Variants in DENND5B observed in about 807,000 individuals in gnomAD.
The protein encoded by DENND5B is DENN domain-containing protein 5B.
In DENND5B, 34 loss-of-function variants were observed where a neutral mutation model predicts 140.6. The observed-to-expected ratio is 0.24, with a 90% confidence interval of 0.18 to 0.32. The LOEUF (loss-of-function observed/expected upper bound fraction) is 0.32. DENND5B is among the 10% of genes least tolerant of loss of function. DENND5B has a pLI of 1.00. For synonymous variants in DENND5B, 551 were observed against 562.1 expected (o/e 0.98, Z 0.28); for missense variants, 1,142 against 1,560.2 (o/e 0.73, Z 4.52).
intron 11 of DENND5B, chr12:31,420,124 A>T: frequency 2.2e-6 from 2 of 915,014 alleles, no homozygotes; most frequent in Non-Finnish European, 1.3e-6. Context: ...CAACGTTTTT[A>T]TTTATTATTA....
At chr12:31,439,911 C>A (rs1943953026) in intron 7 of DENND5B, among the ~76,000 whole-genome samples, 1 of 101,696 alleles carries the variant, frequency 9.8e-6, no homozygotes. Context: ...GCCTGGGCAA[C>A]AGAGGGAGAC....
At chr12:31,492,718 T>C (rs1160830493) in intron 2 of DENND5B, among the ~76,000 whole-genome samples, 2 of 152,258 alleles carry the variant, frequency 1.3e-5, no homozygotes, top group African/African-American at 4.8e-5. Context: ...ATTTGCTGCA[T>C]AAGCAGCTCA....
intron 13 of DENND5B, among the ~76,000 whole-genome samples, chr12:31,412,441 T>C (rs1025746790): frequency 6.6e-6 from 1 of 152,104 alleles, no homozygotes; most frequent in Non-Finnish European, 1.5e-5. Context: ...CAGAATAAAA[T>C]TGTTGCACCT....
At chr12:31,563,468 G>T (rs555206998) in intron 1 of DENND5B, among the ~76,000 whole-genome samples, 11 of 152,234 alleles carry the variant, frequency 7.2e-5, no homozygotes, top group African/African-American at 2.6e-4. Flanking sequence ...AATGTAAGAA[G>T]ATCATACTTT....
rs1030473343 is a variant in DENND5B, at chr12:31,383,608, T to A, written c.*3995A>T. On this transcript the variant is annotated 3_prime_UTR_variant, in exon 21 of 21. Coordinates refer to ENST00000389082, the MANE Select transcript of DENND5B (RefSeq NM_144973.4). ...AAGGTTGAAGTTTCTCATATCAAAT[T>A]CTCATTCCCAGTGGAAAACAAGGTG... 2.6e-5 allele frequency: 4 copies of A among 152,170 alleles called. No individual in the cohort carries two copies. The highest frequency in any genetic ancestry group is 9.7e-5 in the African/African-American group (4 of 41,438). The allele number at this position is 152,170 out of a possible 1,614,324, so 9.4% of individuals were successfully genotyped here.
rs995741784 is a variant in DENND5B, at chr12:31,426,362, G to A, written c.2169C>T (p.Leu723=). ...TGGTCTGTGCAATAACTGCAGGAGAGAGGTCTGACAGTTTGGGTTGCCTCA... is the reference window on the plus strand; with the variant it reads ...TGGTCTGTGCAATAACTGCAGGAGAAAGGTCTGACAGTTTGGGTTGCCTCA... The part of the protein sequence containing the change: ...KNLRQPKLSD[L]SPAVIAQTNC... Residue 723 remains leucine, a synonymous_variant, in exon 9 of 21, where the codon CTC becomes CTT. Coordinates refer to ENST00000389082, the MANE Select transcript of DENND5B (RefSeq NM_144973.4). 4 of 1,612,288 alleles carry A rather than the reference G, an allele frequency of 2.5e-6. No homozygotes were observed. The highest frequency in any genetic ancestry group is 1.3e-5 in the African/African-American group (1 of 75,020).
At chr12:31,548,409 A>G (rs201258724) in intron 1 of DENND5B, among the ~76,000 whole-genome samples, 1 of 149,144 alleles carries the variant, frequency 6.7e-6, no homozygotes, top group Non-Finnish European at 1.5e-5. Flanking sequence ...AAAGAAGAAG[A>G]AAAAAAAAAG....
intron 1 of DENND5B, among the ~76,000 whole-genome samples, chr12:31,577,946 GA>G (rs1436107656): frequency 6.6e-6 from 1 of 151,292 alleles, no homozygotes; most frequent in Non-Finnish European, 1.5e-5. Context: ...GCAACATAGT[GA>G]AACCCCATCT....
chr12:31,533,811 A>G lies in DENND5B; in HGVS notation c.128-37892T>C, dbSNP rs555168271. Among the ~76,000 whole-genome samples the G allele has an allele frequency of 2.0e-5, 3 of 152,282 alleles. No individual in the cohort carries two copies. The South Asian group carries it at 6.2e-4, about 32-fold the overall frequency. ...GTAGGGGAGGCAGTATACAACATTC[A>G]TGGATGAAACACCTAGCTAACTGCT... is the stretch of plus-strand genomic sequence containing the variant. On this transcript the variant is annotated intron_variant, in intron 1 of 20. Coordinates refer to ENST00000389082, the MANE Select transcript of DENND5B (RefSeq NM_144973.4).
intron 1 of DENND5B, among the ~76,000 whole-genome samples, chr12:31,533,255 A>T (rs1160420974): frequency 6.6e-6 from 1 of 152,194 alleles, no homozygotes; most frequent in Non-Finnish European, 1.5e-5. Context: ...TTTGAAGAAA[A>T]AAAAACAATT....
At chr12:31,416,065 G>T (rs913368892) in intron 11 of DENND5B, among the ~76,000 whole-genome samples, 1 of 151,888 alleles carries the variant, frequency 6.6e-6, no homozygotes, top group Non-Finnish European at 1.5e-5. Flanking sequence ...TTGAACTCCC[G>T]ATCTGAGGTG....
intron 1 of DENND5B, among the ~76,000 whole-genome samples, chr12:31,507,072 T>C (rs1299634639): frequency 1.3e-5 from 2 of 152,200 alleles, no homozygotes; most frequent in Non-Finnish European, 2.9e-5. Flanking sequence ...CCTGAAGCTA[T>C]CCAGAGGCCC....
chr12:31,456,329 CAAA>C (rs56369582), intron 4 of DENND5B, among the ~76,000 whole-genome samples: 18,381 of 121,604 alleles, frequency 0.15, 1,211 homozygotes, highest in Non-Finnish European at 0.2. Flanking sequence ...GACTCCGTCT[CAAA>C]AAAAAAAAAA....
chr12:31,416,060 C>T (rs1326648629), intron 11 of DENND5B, among the ~76,000 whole-genome samples: 2 of 152,014 alleles, frequency 1.3e-5, no homozygotes, highest in Non-Finnish European at 2.9e-5. Context: ...TGGTCTTGAA[C>T]TCCCGATCTG....
At chr12:31,575,016 C>A (rs1949961854) in intron 1 of DENND5B, among the ~76,000 whole-genome samples, 1 of 152,156 alleles carries the variant, frequency 6.6e-6, no homozygotes, top group Non-Finnish European at 1.5e-5. Flanking sequence ...TGGCACAAAA[C>A]AAGTTAAGTC....
At chr12:31,571,859 T>G (rs942919931) in intron 1 of DENND5B, among the ~76,000 whole-genome samples, 1 of 152,212 alleles carries the variant, frequency 6.6e-6, no homozygotes, top group Non-Finnish European at 1.5e-5. Context: ...TCTGCCCGCT[T>G]TGACCTCTTA....
intron 1 of DENND5B, among the ~76,000 whole-genome samples, chr12:31,527,688 G>C (rs1015886746): frequency 2.0e-5 from 3 of 152,090 alleles, no homozygotes; most frequent in East Asian, 3.9e-4. Context: ...TGAGGCAGGA[G>C]AACTGCTTGA....
intron 5 of DENND5B, among the ~76,000 whole-genome samples, chr12:31,448,278 G>A (rs771790128): frequency 6.4e-4 from 98 of 152,118 alleles, no homozygotes; most frequent in Non-Finnish European, 1.3e-3. Context: ...GGGACTACAG[G>A]CGCCTGCCAC....
intron 1 of DENND5B, among the ~76,000 whole-genome samples, chr12:31,529,183 AG>A (rs1948197587): frequency 6.6e-6 from 1 of 151,794 alleles, no homozygotes; most frequent in South Asian, 2.1e-4. Flanking sequence ...AAAAAAGAAA[AG>A]AAAAAAGGCA....
Sources: allele counts gnomAD v4.1 joint callset (sites outside exome capture counted in the v4.1 genomes callset), GRCh38; gene constraint gnomAD v4.1.1; transcripts MANE v1.5; gene names NCBI Gene and HGNC (gene_info 2026-07-23, HGNC 2026-07-21).